Variants in FAM149B1 observed in about 807,000 individuals in gnomAD.
The protein encoded by FAM149B1 is primary cilium assembly protein FAM149B1.
FAM149B1 carries 56 observed loss-of-function variants against 75.3 expected under a neutral mutation model. That is an observed-to-expected ratio of 0.74 (90% CI 0.60 to 0.93). FAM149B1 has a LOEUF of 0.93. FAM149B1 is among the 40% of genes least tolerant of loss of function. The pLI is 0.00. For missense variants in FAM149B1, 639 were observed against 708.4 expected (o/e 0.90, Z 1.11); for synonymous variants, 259 against 256.1 (o/e 1.01, Z -0.11).
intron 7 of FAM149B1, among the ~76,000 whole-genome samples, chr10:73,212,312 C>T (rs1436771147): frequency 1.3e-5 from 2 of 152,172 alleles, no homozygotes; most frequent in African/African-American, 2.4e-5. Flanking sequence ...CAGAGTTTCA[C>T]TCTTGTCACC....
At chr10:73,200,690 T>C (rs1314081998) in intron 5 of FAM149B1, 3 of 497,576 alleles carry the variant, frequency 6.0e-6, no homozygotes, top group South Asian at 5.4e-5. Flanking sequence ...GACCAAAAAA[T>C]TCACTAAAGA....
intron 1 of FAM149B1, 23 bp from the exon 2 acceptor site, chr10:73,174,664 T>A: frequency 6.8e-7 from 1 of 1,467,372 alleles, no homozygotes; most frequent in Non-Finnish European, 9.3e-7. Flanking sequence ...ACAGGAAATA[T>A]AACTTTGTTT....
intron 5 of FAM149B1, among the ~76,000 whole-genome samples, chr10:73,203,426 T>C (rs943837013): frequency 1.3e-5 from 2 of 152,220 alleles, no homozygotes; most frequent in South Asian, 4.1e-4. Flanking sequence ...TTCTCTACCA[T>C]GTATGTATAT....
chr10:73,210,802 A>G (rs2043170367), intron 7 of FAM149B1, among the ~76,000 whole-genome samples: 1 of 152,110 alleles, frequency 6.6e-6, no homozygotes, highest in Admixed American at 6.6e-5. Flanking sequence ...TAGCCTGGGC[A>G]TAAGATGAGA....
intron 8 of FAM149B1, among the ~76,000 whole-genome samples, chr10:73,229,642 T>C (rs915762504): frequency 2.0e-5 from 3 of 152,226 alleles, no homozygotes; most frequent in African/African-American, 7.2e-5. Flanking sequence ...GGTAAATTAA[T>C]GTTCCTTTTG....
chr10:73,240,154 CT>C (rs2043909089), intron 13 of FAM149B1, among the ~76,000 whole-genome samples: 1 of 152,194 alleles, frequency 6.6e-6, no homozygotes, highest in Admixed American at 6.5e-5. Flanking sequence ...TTAATTCTTC[CT>C]GTGACAGTCT....
chr10:73,205,528 C>G (rs572202745), intron 5 of FAM149B1, among the ~76,000 whole-genome samples: 18 of 152,096 alleles, frequency 1.2e-4, no homozygotes, highest in Non-Finnish European at 2.1e-4. Context: ...ATTACCCAGT[C>G]TCAGGTATTT....
Position 73,230,425 on chromosome 10 carries a change from AGTCTCT to A in FAM149B1, c.1031_1036del (p.Leu344_Cys345del). 5 of 1,520,640 alleles carry A rather than the reference AGTCTCT, an allele frequency of 3.3e-6. No homozygotes were observed. Among genetic ancestry groups the A allele is most frequent in the Non-Finnish European group, 4.5e-6 (5 of 1,118,472 alleles). The allele number at this position is 1,520,640 out of a possible 1,614,324, so 94.2% of individuals were successfully genotyped here. A position where few individuals can be genotyped will look rare whatever the true frequency, so the allele number is the denominator to read the frequency against. On this transcript the variant is annotated inframe_deletion, in exon 9 of 14. Transcript: ENST00000242505. ...ACTGTCTTCTTTCAACACGTAGATG[AGTCTCT>A]GTCAAGCAAGCAGACATCAGCCAAA...
intron 5 of FAM149B1, among the ~76,000 whole-genome samples, chr10:73,194,963 T>C (rs750246468): frequency 1.3e-4 from 20 of 152,240 alleles, no homozygotes; most frequent in Non-Finnish European, 2.2e-4. Context: ...GGATTACAGG[T>C]GTGAGCCACC....
chr10:73,176,976 G>A (rs1206940377), intron 2 of FAM149B1, among the ~76,000 whole-genome samples: 4 of 151,928 alleles, frequency 2.6e-5, no homozygotes, highest in Non-Finnish European at 4.4e-5. Flanking sequence ...GCAGTGAGCC[G>A]AGATCACGCC....
intron 5 of FAM149B1, among the ~76,000 whole-genome samples, chr10:73,197,295 G>A (rs1411277846): frequency 6.6e-6 from 1 of 152,190 alleles, no homozygotes; most frequent in East Asian, 1.9e-4. Flanking sequence ...GATCTGCCAT[G>A]CCTGGCCACT....
Position 73,240,959 on chromosome 10 carries a change from T to C in FAM149B1, c.1689T>C (p.His563=). ...PGRGSAGPQL[H]GSTKSQSGGR... Reference sequence around the variant, plus strand: ...GTCATCTGACAGGTCCTCAGTTACATGGGTCTACAAAATCTCAAAGCGGAG... The same window carrying C: ...GTCATCTGACAGGTCCTCAGTTACACGGGTCTACAAAATCTCAAAGCGGAG... Residue 563 remains histidine (H), a synonymous_variant, in exon 14 of 14, where the codon CAT becomes CAC. Coordinates refer to ENST00000242505, the MANE Select transcript of FAM149B1 (RefSeq NM_173348.2). The C allele has an allele frequency of 1.3e-6, 2 of 1,541,086 alleles. No homozygotes were observed. The highest frequency in any genetic ancestry group is 2.5e-5 in the East Asian group (1 of 40,666).
intron 3 of FAM149B1, among the ~76,000 whole-genome samples, chr10:73,188,740 AAAAAG>A (rs1365113360): frequency 5.7e-5 from 8 of 141,058 alleles, no homozygotes; most frequent in African/African-American, 1.9e-4. Flanking sequence ...AAAGAAAAAA[AAAAAG>A]GAAGGAAGGA....
chr10:73,235,382 T>C (rs1004078685), intron 12 of FAM149B1, 64 bp downstream of exon 12: 1 of 1,543,096 alleles, frequency 6.5e-7, no homozygotes, highest in Non-Finnish European at 8.7e-7. Flanking sequence ...GGGGGAATAA[T>C]AGTTTGGCAG....
At chr10:73,240,000 CTGT>C (rs2043905585) in intron 13 of FAM149B1, among the ~76,000 whole-genome samples, 5 of 152,214 alleles carry the variant, frequency 3.3e-5, no homozygotes, top group Non-Finnish European at 7.3e-5. Flanking sequence ...TCATGGCTCA[CTGT>C]AGCCTCGAAC....
chr10:73,220,700 G>T (rs2043392914), intron 7 of FAM149B1, among the ~76,000 whole-genome samples: 1 of 152,164 alleles, frequency 6.6e-6, no homozygotes, highest in Non-Finnish European at 1.5e-5. Flanking sequence ...AATAGGGCTG[G>T]TGTCCTTGTA....
At chr10:73,208,001 T>C (rs148820729) in intron 5 of FAM149B1, among the ~76,000 whole-genome samples, 1 of 152,380 alleles carries the variant, frequency 6.6e-6, no homozygotes, top group South Asian at 2.1e-4. Flanking sequence ...GAGAAGGATA[T>C]GAGATTTGGG....
intron 7 of FAM149B1, among the ~76,000 whole-genome samples, chr10:73,214,133 G>A (rs1269259817): frequency 6.6e-6 from 1 of 152,132 alleles, no homozygotes; most frequent in Admixed American, 6.6e-5. Flanking sequence ...CATTAATGGG[G>A]TATTGAAACC....
At chr10:73,233,220 AC>A (rs2043751826) in intron 10 of FAM149B1, 57 bp downstream of exon 10, 1 of 1,189,610 alleles carries the variant, frequency 8.4e-7, no homozygotes, top group Non-Finnish European at 1.2e-6. Flanking sequence ...CATTTTACAT[AC>A]AGAATTAATT....
Sources: allele counts gnomAD v4.1 joint callset (sites outside exome capture counted in the v4.1 genomes callset), GRCh38; gene constraint gnomAD v4.1.1; transcripts MANE v1.5; gene names NCBI Gene and HGNC (gene_info 2026-07-23, HGNC 2026-07-21).